The following TMEM259 variants were observed in gnomAD, a reference collection of about 807,000 sequenced individuals.
TMEM259 encodes the protein transmembrane protein 259, also known as membralin.
In TMEM259, 26 loss-of-function variants were observed where a neutral mutation model predicts 46.7. The observed-to-expected ratio is 0.56, with a 90% CI of 0.41 to 0.77. The LOEUF (loss-of-function observed/expected upper bound fraction) is 0.77, where lower values mean the gene tolerates loss of function less well. Among genes scored for constraint, TMEM259 ranks in the 30% least tolerant of loss-of-function variants. The pLI is 0.00. For synonymous variants in TMEM259, 494 were observed against 395.1 expected (o/e 1.25, Z -2.97); for missense variants, 930 against 900.5 (o/e 1.03, Z -0.42).
Position 1,009,711 on chromosome 19 carries a change from T to C in TMEM259, c.*639A>G. On this transcript the variant is annotated 3_prime_UTR_variant, in exon 11 of 11. Transcript: ENST00000356663. ...CACAATTTTGTACACTGCAATTAAA[T>C]AGAATGGAATGAGCGCTCCTCCGCA... 8 of 935,014 alleles carry C rather than the reference T, an allele frequency of 8.6e-6. No homozygotes were observed. Among genetic ancestry groups the C allele is most frequent in the Non-Finnish European group, 1.0e-5 (7 of 687,754 alleles). 57.9% of individuals were successfully genotyped at this position (935,014 alleles called of 1,614,324 possible).
In TMEM259 at chr19:1,010,403, G is replaced by A. The variant is rs1483316952; in HGVS notation, c.1810C>T (p.Pro604Ser). The change falls in exon 11 of 11, where the codon CCT becomes TCT. Residue 604 changes from proline (P) to serine (S), a missense_variant. By Grantham distance (74) the Pro-to-Ser change is moderately conservative (BLOSUM62 -1). Transcript: ENST00000356663. Reference sequence around the variant, plus strand: ...GTTGGGGCCATGGAGGCCGGGCTAGGCCCGCCTACCGCAGCCCCCAGGGGA... The same window carrying A: ...GTTGGGGCCATGGAGGCCGGGCTAGACCCGCCTACCGCAGCCCCCAGGGGA... ...TTPLGAAVGG[P>S]SPASMAPTEA... 2.0e-6 allele frequency: 3 copies of A among 1,518,654 alleles called. No individual in the cohort carries two copies. Among genetic ancestry groups the A allele is most frequent in the Non-Finnish European group, 2.6e-6 (3 of 1,138,412 alleles). The allele number at this position is 1,518,654 out of a possible 1,614,324, so 94.1% of individuals were successfully genotyped here.
rs761046351 is a variant in TMEM259 at position 1,012,393 on chromosome 19, CAGG to C, written c.718+67_718+69del. ...TGCACAGCCCCCCGTCCCGCACCAG[CAGG>C]AGGAGACCCGAGGGAGGAGGGGAGG... On this transcript the variant is annotated intron_variant, in intron 4 of 10. Transcript: ENST00000356663. 30 of 1,526,278 alleles carry C rather than the reference CAGG, an allele frequency of 2.0e-5. No homozygotes were observed. In the African/African-American group the frequency reaches 3.0e-4, roughly 15 times the overall value. 94.5% of individuals were successfully genotyped at this position (1,526,278 alleles called of 1,614,324 possible).
chr19:1,010,683 G>C lies in TMEM259; in HGVS notation c.1530C>G (p.Ser510Arg), dbSNP rs201676598. 3,106 of 1,532,620 alleles carry C rather than the reference G, an allele frequency of 2.0e-3. 3 individuals carry two copies. The highest frequency in any genetic ancestry group is 2.5e-3 in the Non-Finnish European group (2,831 of 1,145,172). The allele number at this position is 1,532,620 out of a possible 1,614,324, so 94.9% of individuals were successfully genotyped here. Residue 510 changes from serine to arginine, a missense_variant, in exon 11 of 11, where the codon AGC becomes AGG. Coordinates refer to ENST00000356663, the MANE Select transcript of TMEM259 (RefSeq NM_001033026.2). The part of the protein sequence containing the change: ...PALGPVSPGA[S>R]GSPGPVAAAP... Reference sequence around the variant, plus strand: ...CCGCTGCCACAGGCCCGGGACTCCCGCTGGCCCCAGGCGAGACGGGGCCCA... The same window carrying C: ...CCGCTGCCACAGGCCCGGGACTCCCCCTGGCCCCAGGCGAGACGGGGCCCA...
Position 1,009,873 on chromosome 19 carries a change from CG to C in TMEM259, c.*476del. On this transcript the variant is annotated 3_prime_UTR_variant, in exon 11 of 11. Transcript: ENST00000356663. The stretch of plus-strand genomic sequence containing the variant: ...GCCCGAGGCGCAAGCTCTGCTCTCC[CG>C]GGGACCCCAAGCCTGGCGCACACGC... 7.6e-6 allele frequency: 3 copies of C among 396,118 alleles called. No homozygotes were observed. Among genetic ancestry groups the C allele is most frequent in the South Asian group, 6.2e-5 (1 of 16,172 alleles). 24.5% of individuals were successfully genotyped at this position (396,118 alleles called of 1,614,324 possible).
intron 3 of TMEM259, 64 bp downstream of exon 3, chr19:1,013,177 G>C: frequency 7.0e-7 from 1 of 1,423,414 alleles, no homozygotes; most frequent in Admixed American, 1.7e-5. Context: ...GACCCCGCCT[G>C]CACCCCAGCA....
Position 1,009,681 on chromosome 19 carries a change from A to G in TMEM259, c.*669T>C. The G allele has an allele frequency of 1.7e-6, 2 of 1,167,512 alleles. No individual in the cohort carries two copies. The highest frequency in any genetic ancestry group is 2.2e-6 in the Non-Finnish European group (2 of 893,706). 72.3% of individuals were successfully genotyped at this position (1,167,512 alleles called of 1,614,324 possible). A position where few individuals can be genotyped will look rare whatever the true frequency, so the allele number is the denominator to read the frequency against. On this transcript the variant is annotated 3_prime_UTR_variant, in exon 11 of 11. Coordinates refer to ENST00000356663, the MANE Select transcript of TMEM259 (RefSeq NM_001033026.2). ...TGTCAACAGACAGTTTATTCTATAT[A>G]CAAACACAATTTTGTACACTGCAAT...
intron 1 of TMEM259, 66 bp from the exon 2 acceptor site, chr19:1,014,539 CGTGATGGG>C: frequency 2.0e-6 from 1 of 499,684 alleles, no homozygotes; most frequent in Non-Finnish European, 2.8e-6. Flanking sequence ...CAAGGGCCTA[CGTGATGGG>C]GCGTGATGGG....
At chr19:1,013,837 C>T (rs1238385693) in intron 2 of TMEM259, among the ~76,000 whole-genome samples, 2 of 152,234 alleles carry the variant, frequency 1.3e-5, no homozygotes, top group Non-Finnish European at 2.9e-5. Flanking sequence ...GGGCCCAGAG[C>T]TCTTAGCTTT....
intron 1 of TMEM259, chr19:1,017,542 T>C (rs2039151352): frequency 5.0e-6 from 2 of 396,328 alleles, no homozygotes; most frequent in Non-Finnish European, 4.4e-6. Flanking sequence ...CCTATGACCC[T>C]TCCTTCCTCC....
At chr19:1,010,923 C>T (rs768547126) in intron 10 of TMEM259, 28 bp from the exon 11 acceptor site, 14 of 1,571,536 alleles carry the variant, frequency 8.9e-6, no homozygotes, top group African/African-American at 5.4e-5. Flanking sequence ...GGAGTCAGGA[C>T]GGGCCCGCCC....
intron 3 of TMEM259, 74 bp downstream of exon 3, chr19:1,013,167 G>A (rs1477079876): frequency 1.5e-6 from 2 of 1,336,428 alleles, no homozygotes; most frequent in East Asian, 2.3e-5. Context: ...TGTTCGGAGG[G>A]ACCCCGCCTG....
rs1185116959 is a variant in TMEM259 at position 1,010,146 on chromosome 19, C to G, written c.*204G>C. ...TCTCCTTGCTGACCAGCTCAAACAC[C>G]TCACTAGCGGGTACAAGCCTCGGGC... On this transcript the variant is annotated 3_prime_UTR_variant, in exon 11 of 11. Transcript: ENST00000356663. The G allele has an allele frequency of 1.1e-5, 6 of 543,458 alleles. No homozygotes were observed. The East Asian group carries it at 1.6e-4, about 15-fold the overall frequency. 33.7% of individuals were successfully genotyped at this position (543,458 alleles called of 1,614,324 possible). A position where few individuals can be genotyped will look rare whatever the true frequency, so the allele number is the denominator to read the frequency against.
intron 1 of TMEM259, among the ~76,000 whole-genome samples, chr19:1,016,724 C>T (rs2039123862): frequency 6.6e-6 from 1 of 152,224 alleles, no homozygotes; most frequent in Non-Finnish European, 1.5e-5. Context: ...CCAGTCTGCA[C>T]AATTAAGGCC....
In TMEM259 at chr19:1,021,096, G is replaced by GGCC. The variant is rs2039280682; in HGVS notation, c.-103_-101dup. 4 of 1,180,152 alleles carry GGCC rather than the reference G, an allele frequency of 3.4e-6. No individual in the cohort carries two copies. The highest frequency in any genetic ancestry group is 4.3e-6 in the Non-Finnish European group (4 of 938,526). The allele number at this position is 1,180,152 out of a possible 1,614,324, so 73.1% of individuals were successfully genotyped here. On this transcript the variant is annotated 5_prime_UTR_variant, in exon 1 of 11. Transcript: ENST00000356663. ...GCCGCCGCTCTCCTCACGGCCTCCC[G>GGCC]GCCGCCGCCGCCATCTTCCGCTTTC...
chr19:1,020,824 C>A lies in TMEM259; in HGVS notation c.173G>T (p.Arg58Leu). ...LFFKMAVTYS[R>L]LFPPAFRRLF... ...ACGGCGGAAGGCGGGCGGGAAGAGC[C>A]GCGAATAGGTGACAGCCATCTTGAA... is the stretch of plus-strand genomic sequence containing the variant. The change falls in exon 1 of 11, where the codon CGG becomes CTG. Residue 58 changes from arginine (R) to leucine (L), a missense_variant. Transcript: ENST00000356663. This position sits in a 1 kb window ranked among gnomAD's most constrained non-coding sequence, Gnocchi z 4.0. The A allele has an allele frequency of 7.3e-7, 1 of 1,366,394 alleles. No homozygotes were observed. The highest frequency in any genetic ancestry group is 2.0e-5 in the South Asian group (1 of 49,638). The allele number at this position is 1,366,394 out of a possible 1,614,324, so 84.6% of individuals were successfully genotyped here. A position where few individuals can be genotyped will look rare whatever the true frequency, so the allele number is the denominator to read the frequency against.
chr19:1,020,842 A>T lies in TMEM259; in HGVS notation c.155T>A (p.Met52Lys). The T allele has an allele frequency of 7.3e-7, 1 of 1,378,968 alleles. No homozygotes were observed. The highest frequency in any genetic ancestry group is 9.4e-7 in the Non-Finnish European group (1 of 1,059,784). The allele number at this position is 1,378,968 out of a possible 1,614,324, so 85.4% of individuals were successfully genotyped here. ...GAAGAGCCGCGAATAGGTGACAGCC[A>T]TCTTGAAGAACAGCGCGTGGAAGAG... is the stretch of plus-strand genomic sequence containing the variant. Reference protein sequence around the residue: ...DRLFHALFFKMAVTYSRLFPP... With the variant: ...DRLFHALFFKKAVTYSRLFPP... Residue 52 changes from methionine to lysine, a missense_variant, in exon 1 of 11, where the codon ATG becomes AAG. Transcript: ENST00000356663. The surrounding 1 kb of genome is among the most constrained non-coding windows in gnomAD (Gnocchi z 4.0).
intron 4 of TMEM259, 61 bp from the exon 5 acceptor site, chr19:1,012,249 C>G (rs748213934): frequency 1.3e-6 from 2 of 1,547,486 alleles, no homozygotes. Context: ...GGGCCCTGCC[C>G]CAGCTGGCTC....
intron 6 of TMEM259, 26 bp from the exon 7 acceptor site, chr19:1,011,824 A>G (rs2240161): frequency 0.67 from 1,064,915 of 1,587,100 alleles, 359,217 homozygotes; most frequent in African/African-American, 0.8. Flanking sequence ...AGGAAGCGCT[A>G]TGAGGGGCTG....
At chr19:1,014,893 T>C (rs2039058632) in intron 1 of TMEM259, among the ~76,000 whole-genome samples, 1 of 152,070 alleles carries the variant, frequency 6.6e-6, no homozygotes, top group Non-Finnish European at 1.5e-5. Context: ...ACCCACCAAG[T>C]GGAGCACACC....
Sources: gnomAD v4.1 joint callset for allele counts (sites outside exome capture counted in the v4.1 genomes callset) on GRCh38, gnomAD v4.1.1 for gene constraint, Gnocchi (gnomAD v3.1) non-coding constraint, MANE v1.5 for transcripts, NCBI Gene and HGNC (gene_info 2026-07-23, HGNC 2026-07-21) for gene names.